Variants in CADPS2 observed in about 807,000 individuals in gnomAD.
CADPS2 encodes the protein calcium-dependent secretion activator 2.
Under a neutral mutation model 172.5 loss-of-function variants are expected in CADPS2, and 93 were observed. That is an observed-to-expected ratio of 0.54 (90% CI 0.46 to 0.64). The LOEUF (loss-of-function observed/expected upper bound fraction) is 0.64, where lower values mean the gene tolerates loss of function less well. Ranked by LOEUF, CADPS2 falls within the 30% of genes least tolerant of loss-of-function variation. The probability of loss-of-function intolerance (pLI) is 0.00; values close to 1 mark genes in which losing one functional copy is unlikely to be tolerated. For missense variants in CADPS2, 1,420 were observed against 1,565.9 expected (o/e 0.91, Z 1.57); for synonymous variants, 546 against 555.2 (o/e 0.98, Z 0.23).
chr7:122,359,187 G>A (rs1457040901), intron 27 of CADPS2, among the ~76,000 whole-genome samples: 1 of 152,012 alleles, frequency 6.6e-6, no homozygotes, highest in African/African-American at 2.4e-5. Flanking sequence ...CACACCTCCT[G>A]GGAAGAGGAG....
intron 15 of CADPS2, among the ~76,000 whole-genome samples, chr7:122,446,913 C>T (rs150390817): frequency 6.8e-4 from 103 of 151,972 alleles, no homozygotes; most frequent in African/African-American, 2.4e-3. Flanking sequence ...ACTTTCATTG[C>T]TTTATGTTTA....
chr7:122,370,566 A>G (rs923654586), intron 25 of CADPS2, among the ~76,000 whole-genome samples: 2 of 152,192 alleles, frequency 1.3e-5, no homozygotes, highest in African/African-American at 4.8e-5. Context: ...ACAAAGAATA[A>G]TAGATAAAGA....
chr7:122,715,094 C>T (rs566962317), intron 2 of CADPS2, among the ~76,000 whole-genome samples: 1 of 152,188 alleles, frequency 6.6e-6, no homozygotes, highest in South Asian at 2.1e-4. Context: ...TAAACAATTC[C>T]GTTTATGGCA....
chr7:122,427,468 T>C (rs1411583656), intron 17 of CADPS2: 1 of 152,236 alleles, frequency 6.6e-6, no homozygotes, highest in Non-Finnish European at 1.5e-5. Flanking sequence ...TGGTATTTTC[T>C]TCATTGCATT....
intron 6 of CADPS2, among the ~76,000 whole-genome samples, chr7:122,611,316 TAAG>T (rs1458237720): frequency 4.8e-5 from 7 of 146,834 alleles, no homozygotes; most frequent in Admixed American, 4.7e-4. Flanking sequence ...TTAGATGGGC[TAAG>T]AAAAAAGAAA....
intron 8 of CADPS2, among the ~76,000 whole-genome samples, chr7:122,521,559 A>T (rs920836859): frequency 6.6e-6 from 1 of 152,074 alleles, no homozygotes; most frequent in Non-Finnish European, 1.5e-5. Context: ...GCATTAAGAA[A>T]CTTAGAAGTA....
intron 2 of CADPS2, among the ~76,000 whole-genome samples, chr7:122,670,410 A>C (rs2081688055): frequency 6.6e-6 from 1 of 152,080 alleles, no homozygotes; most frequent in East Asian, 2.0e-4. Context: ...TCTCTACAAT[A>C]AAATTTAAAA....
At chr7:122,701,930 A>T (rs776645402) in intron 2 of CADPS2, 5 of 1,613,674 alleles carry the variant, frequency 3.1e-6, no homozygotes, top group Non-Finnish European at 4.2e-6. Flanking sequence ...TTTGCAAGTT[A>T]AAATGCGTAC....
chr7:122,737,285 T>C (rs1273269311), intron 1 of CADPS2, among the ~76,000 whole-genome samples: 2 of 152,104 alleles, frequency 1.3e-5, no homozygotes, highest in East Asian at 1.9e-4. Context: ...AGTGCAGTGG[T>C]GCGATCTCGG....
chr7:122,472,290 C>G (rs1239785559), intron 13 of CADPS2, among the ~76,000 whole-genome samples: 1 of 145,036 alleles, frequency 6.9e-6, no homozygotes, highest in Non-Finnish European at 1.5e-5. Context: ...TAAAAGGGGG[C>G]AGGGTAATCA....
intron 1 of CADPS2, among the ~76,000 whole-genome samples, chr7:122,750,904 A>G (rs1178698523): frequency 2.6e-5 from 4 of 152,166 alleles, no homozygotes; most frequent in Admixed American, 2.0e-4. Flanking sequence ...TGAGTTAAGA[A>G]ATCTACTAAA....
intron 1 of CADPS2, among the ~76,000 whole-genome samples, chr7:122,746,977 C>T (rs1033681634): frequency 2.6e-5 from 4 of 152,108 alleles, no homozygotes; most frequent in Non-Finnish European, 5.9e-5. Flanking sequence ...GTCTGCCTCA[C>T]TCACTTCTCT....
At chr7:122,737,979 A>C (rs1226013440) in intron 1 of CADPS2, among the ~76,000 whole-genome samples, 3 of 152,184 alleles carry the variant, frequency 2.0e-5, no homozygotes, top group African/African-American at 7.2e-5. Context: ...AGGAATAATA[A>C]GGAGAAGACA....
chr7:122,547,050 A>G (rs2063694923), intron 8 of CADPS2, among the ~76,000 whole-genome samples: 1 of 151,404 alleles, frequency 6.6e-6, no homozygotes, highest in African/African-American at 2.4e-5. Context: ...TAAAGATAAT[A>G]TGAACGAAGC....
intron 18 of CADPS2, among the ~76,000 whole-genome samples, chr7:122,415,601 C>CAAAAAAAAAAAAA (rs549530021): frequency 1.5e-5 from 1 of 64,952 alleles, no homozygotes; most frequent in Admixed American, 1.8e-4. Flanking sequence ...AATACAGAAC[C>CAAAAAAAAAAAAA]AAAAAAAAAA....
intron 1 of CADPS2, among the ~76,000 whole-genome samples, chr7:122,797,750 A>C (rs1796710519): frequency 6.6e-6 from 1 of 152,150 alleles, no homozygotes; most frequent in Non-Finnish European, 1.5e-5. Flanking sequence ...GATAAGGAAA[A>C]ATAACTAACA....
At chr7:122,818,959 A>G (rs1802324273) in intron 1 of CADPS2, among the ~76,000 whole-genome samples, 1 of 152,124 alleles carries the variant, frequency 6.6e-6, no homozygotes, top group African/African-American at 2.4e-5. Flanking sequence ...TTATTACCCA[A>G]TCTGCTCCCG....
chr7:122,391,087 T>C (rs7784967), intron 22 of CADPS2, among the ~76,000 whole-genome samples: 4,370 of 152,182 alleles, frequency 0.029, 222 homozygotes, highest in African/African-American at 0.1. Context: ...TAATTCTTTA[T>C]GTTAAATATA....
chr7:122,664,210 AG>A (rs1443637959), intron 2 of CADPS2, among the ~76,000 whole-genome samples: 1 of 152,168 alleles, frequency 6.6e-6, no homozygotes, highest in African/African-American at 2.4e-5. Context: ...GATCAACAGT[AG>A]GGTAAGTCTA....
Sources: gnomAD v4.1 joint callset for allele counts (sites outside exome capture counted in the v4.1 genomes callset) on GRCh38, gnomAD v4.1.1 for gene constraint, MANE v1.5 for transcripts, NCBI Gene and HGNC (gene_info 2026-07-23, HGNC 2026-07-21) for gene names.